ZC3H12B: variants seen among roughly 807,000 people sequenced by gnomAD.
ZC3H12B encodes probable ribonuclease ZC3H12B.
ZC3H12B carries 7 observed loss-of-function variants against 43.9 expected under a neutral mutation model. The observed-to-expected ratio is 0.16, with a 90% CI of 0.09 to 0.30. The LOEUF is 0.30. Ranked by LOEUF, ZC3H12B falls within the 10% of genes least tolerant of loss-of-function variation. ZC3H12B has a pLI of 1.00. For missense variants in ZC3H12B, 475 were observed against 670.2 expected, an observed-to-expected ratio of 0.71 and a Z score of 3.22; for synonymous variants, 222 against 241.7, an observed-to-expected ratio of 0.92 and a Z score of 0.76.
the ZC3H12B span, among the ~76,000 whole-genome samples, chrX:65,064,042 T>C: frequency 8.9e-6 from 1 of 112,149 alleles, no homozygotes; most frequent in Non-Finnish European, 1.9e-5. Flanking sequence ...TTGATTCTTC[T>C]TTCTTTTCTT....
chrX:65,250,059 G>C, the ZC3H12B span, among the ~76,000 whole-genome samples: 1 of 110,136 alleles, frequency 9.1e-6, no homozygotes, highest in African/African-American at 3.3e-5. Context: ...TTTACATTAG[G>C]TATATCTCCT....
the ZC3H12B span, among the ~76,000 whole-genome samples, chrX:65,152,553 A>AACTAC: frequency 9.0e-6 from 1 of 111,177 alleles, no homozygotes; most frequent in African/African-American, 3.3e-5. Context: ...CTTCAAGGAG[A>AACTAC]ACTACAAACC....
At chrX:65,157,305 T>C in the ZC3H12B span, among the ~76,000 whole-genome samples, 1 of 112,457 alleles carries the variant, frequency 8.9e-6, no homozygotes, top group East Asian at 2.8e-4. Context: ...TTTAATGCCA[T>C]TGGTCTTTTT....
At chrX:65,272,601 T>C in the ZC3H12B span, 1 of 111,911 alleles carries the variant, frequency 8.9e-6, no homozygotes, top group Admixed American at 9.4e-5. Flanking sequence ...AAACTGATGA[T>C]TGGAAAGCTA....
At chrX:65,068,277 C>G in the ZC3H12B span, among the ~76,000 whole-genome samples, 1 of 109,645 alleles carries the variant, frequency 9.1e-6, no homozygotes, top group South Asian at 3.9e-4. Context: ...TTGTTGTTTT[C>G]TGGTCTTCTC....
chrX:65,490,674 G>A (rs1367555495), intron 1 of ZC3H12B, among the ~76,000 whole-genome samples: 1 of 110,758 alleles, frequency 9.0e-6, no homozygotes, highest in African/African-American at 3.3e-5. Flanking sequence ...AGAGCCATAG[G>A]AATCCCTTCT....
the ZC3H12B span, among the ~76,000 whole-genome samples, chrX:65,078,906 G>A: frequency 9.0e-6 from 1 of 111,391 alleles, no homozygotes; most frequent in African/African-American, 3.3e-5. Flanking sequence ...AATTAAAAAT[G>A]TACAATTAAA....
chrX:65,207,552 G>A, the ZC3H12B span, among the ~76,000 whole-genome samples: 1 of 110,587 alleles, frequency 9.0e-6, no homozygotes, highest in Admixed American at 9.7e-5. Flanking sequence ...CTGGGGTGAT[G>A]GGTGCACCAA....
chrX:65,239,680 G>A, the ZC3H12B span, among the ~76,000 whole-genome samples: 4 of 112,068 alleles, frequency 3.6e-5, no homozygotes, highest in Non-Finnish European at 7.5e-5. Context: ...TCACCAGTCT[G>A]TGTACTTCAG....
chrX:65,067,731 G>A, the ZC3H12B span, among the ~76,000 whole-genome samples: 1 of 108,887 alleles, frequency 9.2e-6, no homozygotes, highest in Non-Finnish European at 1.9e-5. Flanking sequence ...TATTTCAATT[G>A]CATTCATTTC....
the ZC3H12B span, among the ~76,000 whole-genome samples, chrX:65,051,949 A>G: frequency 9.0e-6 from 1 of 110,750 alleles, no homozygotes; most frequent in African/African-American, 3.3e-5. Context: ...GTCTGCTTAT[A>G]AATCTGAAAA....
At chrX:65,292,817 T>C in the ZC3H12B span, among the ~76,000 whole-genome samples, 3 of 110,272 alleles carry the variant, frequency 2.7e-5, no homozygotes, top group East Asian at 5.7e-4. Flanking sequence ...AGACTTTGTC[T>C]CTACAGATAA....
chrX:65,283,261 C>A, the ZC3H12B span, among the ~76,000 whole-genome samples: 1 of 111,763 alleles, frequency 8.9e-6, no homozygotes, highest in African/African-American at 3.3e-5. Flanking sequence ...AGGCCTTCGA[C>A]AAAATTCAAC....
the ZC3H12B span, among the ~76,000 whole-genome samples, chrX:65,042,742 G>A: frequency 9.0e-5 from 10 of 111,664 alleles, no homozygotes; most frequent in African/African-American, 3.3e-4. Context: ...CTTCAAACTA[G>A]CTTAAAGAAA....
intron 2 of ZC3H12B, among the ~76,000 whole-genome samples, chrX:65,371,954 C>T (rs2066250489): frequency 9.0e-6 from 1 of 111,433 alleles, no homozygotes; most frequent in Admixed American, 9.6e-5. Context: ...TAATTGCAAA[C>T]TTTAAGGGAT....
At chrX:65,106,797 C>A in the ZC3H12B span, among the ~76,000 whole-genome samples, 2 of 111,447 alleles carry the variant, frequency 1.8e-5, no homozygotes, top group African/African-American at 6.5e-5. Flanking sequence ...TGAGCACTTA[C>A]CACACTACAG....
chrX:65,408,246 C>T (rs1331090573), intron 3 of ZC3H12B: 2 of 1,166,633 alleles, frequency 1.7e-6, no homozygotes, highest in Admixed American at 4.4e-5. Context: ...AGTGAAAAGA[C>T]AGAAATGCAG....
chrX:65,224,787 G>C, the ZC3H12B span, among the ~76,000 whole-genome samples: 25 of 111,973 alleles, frequency 2.2e-4, no homozygotes, highest in Non-Finnish European at 1.1e-4. Context: ...ACAACAGTCT[G>C]AGATCAAACT....
chrX:65,058,793 G>T, the ZC3H12B span, among the ~76,000 whole-genome samples: 1 of 112,022 alleles, frequency 8.9e-6, no homozygotes, highest in Non-Finnish European at 1.9e-5. Context: ...TCTTCCCCCA[G>T]CCTCACTGCC....
Sources: gnomAD v4.1 joint callset for allele counts (sites outside exome capture counted in the v4.1 genomes callset) on GRCh38, gnomAD v4.1.1 for gene constraint, MANE v1.5 for transcripts, NCBI Gene and HGNC (gene_info 2026-07-23, HGNC 2026-07-21) for gene names.